GPALPP1: variants seen among roughly 807,000 people sequenced by gnomAD.
The protein encoded by GPALPP1 is GPALPP motifs-containing protein 1.
Under a neutral mutation model 38.9 loss-of-function variants are expected in GPALPP1, and 30 were observed. That is an observed-to-expected ratio of 0.77 (90% CI 0.58 to 1.05). The LOEUF is 1.05. Among genes scored for constraint, GPALPP1 ranks in the 50% least tolerant of loss-of-function variants. The pLI, the probability that GPALPP1 is intolerant of heterozygous loss-of-function variation, is 0.00. For missense variants in GPALPP1, 384 were observed against 408.8 expected, an observed-to-expected ratio of 0.94 and a Z score of 0.52; for synonymous variants, 120 against 139.2, an observed-to-expected ratio of 0.86 and a Z score of 0.97.
chr13:45,027,832 A>T lies in GPALPP1; in HGVS notation c.852A>T (p.Leu284Phe), dbSNP rs753775576. The T allele has an allele frequency of 1.2e-6, 2 of 1,602,388 alleles. No homozygotes were observed. The highest frequency in any genetic ancestry group is 8.5e-7 in the Non-Finnish European group (1 of 1,169,600). ...ESLMDIHHKK[L>F]KSKAAEDKNK... is the part of the protein sequence containing the mutation. Reference sequence around the variant, plus strand: ...TTATGGACATACATCATAAAAAGTTAAAGAGTAAGGCTGCTGAAGACAAAA... The same window carrying T: ...TTATGGACATACATCATAAAAAGTTTAAGAGTAAGGCTGCTGAAGACAAAA... The change falls in exon 8 of 8, where the codon TTA (leucine) becomes TTT (phenylalanine). Residue 284 changes from leucine (L) to phenylalanine (F), a missense_variant. By Grantham distance (22) the Leu-to-Phe change is conservative. Transcript: ENST00000379151.
chr13:45,013,920 T>C (rs1012748939), intron 4 of GPALPP1, among the ~76,000 whole-genome samples: 1 of 152,220 alleles, frequency 6.6e-6, no homozygotes, highest in Non-Finnish European at 1.5e-5. Context: ...AATAATTTAA[T>C]ACCCATAGAT....
intron 1 of GPALPP1, chr13:45,001,946 G>C: frequency 1.3e-5 from 2 of 152,730 alleles, no homozygotes; most frequent in Non-Finnish European, 2.9e-5. Flanking sequence ...CTCCCAAAGT[G>C]CTGGGATTAC....
At chr13:44,995,183 C>CACACACACAT (rs1180284536) in intron 1 of GPALPP1, among the ~76,000 whole-genome samples, 3 of 64,124 alleles carry the variant, frequency 4.7e-5, no homozygotes, top group Non-Finnish European at 1.1e-4. Context: ...CACACACACA[C>CACACACACAT]ACACACACAC....
At chr13:45,011,307 T>G (rs1289748754) in intron 4 of GPALPP1, among the ~76,000 whole-genome samples, 1 of 152,220 alleles carries the variant, frequency 6.6e-6, no homozygotes, top group Admixed American at 6.5e-5. Flanking sequence ...GTCATTACAC[T>G]TACTTCATAG....
At chr13:45,008,678 T>C (rs1874266511) in intron 3 of GPALPP1, 117 bp from the exon 4 acceptor site, 1 of 601,910 alleles carries the variant, frequency 1.7e-6, no homozygotes, top group African/African-American at 1.9e-5. Context: ...AAGTGTTAAA[T>C]AAAATTCTTA....
chr13:45,024,476 T>C (rs1240757136), intron 7 of GPALPP1, among the ~76,000 whole-genome samples: 1 of 151,812 alleles, frequency 6.6e-6, no homozygotes, highest in African/African-American at 2.4e-5. Context: ...TTTTTGTATT[T>C]CTAGTAGAGA....
At chr13:44,994,245 G>A (rs1261357603) in intron 1 of GPALPP1, among the ~76,000 whole-genome samples, 2 of 148,510 alleles carry the variant, frequency 1.3e-5, no homozygotes, top group East Asian at 4.0e-4. Context: ...AAAAGGGAGA[G>A]AGAAAGAAAG....
At chr13:45,024,588 G>A (rs1322126665) in intron 7 of GPALPP1, among the ~76,000 whole-genome samples, 4 of 150,478 alleles carry the variant, frequency 2.7e-5, no homozygotes, top group Non-Finnish European at 4.4e-5. Context: ...TGTGAGCCAC[G>A]GCACCTGGCC....
chr13:45,034,158 T>C (rs1021678917), downstream of GPALPP1: 1 of 152,240 alleles, frequency 6.6e-6, no homozygotes, highest in Non-Finnish European at 1.5e-5. Context: ...AAACATTTAT[T>C]AAATGCCTCA....
At chr13:45,025,179 G>A (rs1875749433) in intron 7 of GPALPP1, among the ~76,000 whole-genome samples, 1 of 152,086 alleles carries the variant, frequency 6.6e-6, no homozygotes, top group Non-Finnish European at 1.5e-5. Context: ...ACCATCAATT[G>A]TGTTTTTTTA....
At position 45,006,247 on chromosome 13, in the gene GPALPP1, GT is replaced by G; in HGVS notation, c.273del (p.Phe91LeufsTer20). On this transcript the variant is annotated frameshift_variant, in exon 3 of 8. Transcript: ENST00000379151. LOFTEE classifies it high-confidence loss of function. ...ATGATGACGATGATGATGATGATGG[GT>G]TTTTTGGACCAGCCCTTCCTCCTGG... is the stretch of plus-strand genomic sequence containing the variant. The part of the protein sequence containing the change: ...QDDDDDDDDG[F>X]FGPALPPGFK... 2.5e-6 allele frequency: 4 copies of G among 1,610,676 alleles called. No homozygotes were observed. Among genetic ancestry groups the G allele is most frequent in the Admixed American group, 1.7e-5 (1 of 59,604 alleles).
At chr13:44,994,838 G>A (rs1278580345) in intron 1 of GPALPP1, among the ~76,000 whole-genome samples, 1 of 152,070 alleles carries the variant, frequency 6.6e-6, no homozygotes, top group African/African-American at 2.4e-5. Flanking sequence ...AGAAATGTGA[G>A]GCATTGGAGA....
At chr13:45,015,336 A>T in intron 5 of GPALPP1, 96 bp from the exon 6 acceptor site, 2 of 720,068 alleles carry the variant, frequency 2.8e-6, no homozygotes, top group Non-Finnish European at 4.3e-6. Context: ...TAACTTTAAA[A>T]CTTCAATTGC....
chr13:44,991,874 G>A (rs377557077), intron 1 of GPALPP1, among the ~76,000 whole-genome samples: 13 of 152,318 alleles, frequency 8.5e-5, no homozygotes, highest in African/African-American at 3.1e-4. Context: ...ATTCATTCAT[G>A]TAGATTAGCA....
At position 44,989,566 on chromosome 13, in the gene GPALPP1, A is replaced by C; in HGVS notation, c.-89A>C. 1 of 1,492,644 alleles carries C rather than the reference A, an allele frequency of 6.7e-7. No individual in the cohort carries two copies. The highest frequency in any genetic ancestry group is 1.4e-5 in the African/African-American group (1 of 72,276). The allele number at this position is 1,492,644 out of a possible 1,614,324, so 92.5% of individuals were successfully genotyped here. A position where few individuals can be genotyped will look rare whatever the true frequency, so the allele number is the denominator to read the frequency against. ...ATTTCTCGGCGCCGGGAAACCTGCC[A>C]TTCTTCGCTGCTGATCGCGGGATTC... On this transcript the variant is annotated 5_prime_UTR_variant, in exon 1 of 8. Transcript: ENST00000379151.
downstream of GPALPP1, chr13:45,033,485 T>G (rs1231888742): frequency 1.3e-5 from 2 of 152,210 alleles, no homozygotes; most frequent in Non-Finnish European, 2.9e-5. Context: ...ATGTACACAG[T>G]TAAAAAGCTG....
chr13:45,019,030 T>G (rs1206629835), intron 6 of GPALPP1, among the ~76,000 whole-genome samples: 1 of 43,610 alleles, frequency 2.3e-5, no homozygotes, highest in African/African-American at 3.9e-5. Context: ...CATATAAATA[T>G]ATACATAGAA....
downstream of GPALPP1, chr13:45,030,572 G>T (rs1320528843): frequency 1.3e-5 from 2 of 151,860 alleles, no homozygotes; most frequent in African/African-American, 4.8e-5. Context: ...GTAGAGATGG[G>T]GTTTCACTAT....
chr13:44,995,472 C>T (rs570645023), intron 1 of GPALPP1, among the ~76,000 whole-genome samples: 1 of 152,112 alleles, frequency 6.6e-6, no homozygotes, highest in Admixed American at 6.5e-5. Flanking sequence ...GAGTTCCTAT[C>T]AGAATCTTTA....
Sources: allele counts gnomAD v4.1 joint callset (sites outside exome capture counted in the v4.1 genomes callset), GRCh38; gene constraint gnomAD v4.1.1; transcripts MANE v1.5; gene names NCBI Gene and HGNC (gene_info 2026-07-23, HGNC 2026-07-21).